Variants in BNIP1 observed in about 807,000 individuals in gnomAD.
BNIP1 encodes BCL2 interacting protein 1, also known as vesicle transport protein SEC20.
A neutral mutation model predicts 28.5 loss-of-function variants in BNIP1; 25 were observed. The ratio of observed to expected loss-of-function variants is 0.88; its 90% confidence interval spans 0.64 to 1.23. BNIP1 has a LOEUF of 1.23. Ranked by LOEUF, BNIP1 falls within the 50% of genes most tolerant of loss-of-function variation. The probability of loss-of-function intolerance (pLI) is 0.00; values close to 1 mark genes in which losing one functional copy is unlikely to be tolerated. For missense variants in BNIP1, 276 were observed against 277.0 expected, an observed-to-expected ratio of 1.00 and a Z score of 0.02; for synonymous variants, 118 against 101.7, an observed-to-expected ratio of 1.16 and a Z score of -0.96.
chr5:173,160,810 A>G (rs1264777173), intron 5 of BNIP1: 3 of 455,818 alleles, frequency 6.6e-6, no homozygotes, highest in African/African-American at 6.0e-5. Context: ...CCCCAACGTT[A>G]TTTTTCCTAT....
At chr5:173,153,267 G>A (rs528494308) in intron 2 of BNIP1, among the ~76,000 whole-genome samples, 16 of 150,186 alleles carry the variant, frequency 1.1e-4, no homozygotes, top group Admixed American at 6.7e-4. Context: ...TCTCTCTGTC[G>A]CCCAGGCTGG....
At chr5:173,157,765 A>G (rs957157566) in intron 3 of BNIP1, among the ~76,000 whole-genome samples, 1 of 151,932 alleles carries the variant, frequency 6.6e-6, no homozygotes, top group South Asian at 2.1e-4. Context: ...TTCCGTTATC[A>G]CCCACAAGTT....
At chr5:173,150,218 A>C (rs1478146907) in intron 2 of BNIP1, among the ~76,000 whole-genome samples, 1 of 151,134 alleles carries the variant, frequency 6.6e-6, no homozygotes, top group Admixed American at 6.6e-5. Context: ...AGATTGTGCC[A>C]CTGCACTCCA....
chr5:173,148,203 ATCC>A (rs1399839413), intron 2 of BNIP1, among the ~76,000 whole-genome samples: 4 of 141,212 alleles, frequency 2.8e-5, no homozygotes, highest in Admixed American at 2.2e-4. Context: ...GGCTCAAGCA[ATCC>A]TCCTGCCTCA....
chr5:173,159,878 T>C, intron 4 of BNIP1, 55 bp from the exon 5 acceptor site: 1 of 1,481,962 alleles, frequency 6.7e-7, no homozygotes. Flanking sequence ...TGGGGCCTTC[T>C]TGCAGGGAGG....
chr5:173,161,629 C>T (rs528849045), intron 5 of BNIP1: 1 of 152,274 alleles, frequency 6.6e-6, no homozygotes, highest in African/African-American at 2.4e-5. Flanking sequence ...TTCCTTATGC[C>T]TCACAAATTC....
intron 5 of BNIP1, among the ~76,000 whole-genome samples, chr5:173,160,324 T>C (rs550639595): frequency 3.3e-5 from 5 of 151,870 alleles, no homozygotes; most frequent in Admixed American, 2.6e-4. Context: ...AACCTCTGCC[T>C]CCTGGTTTCA....
At position 173,160,021 on chromosome 5, in the gene BNIP1, C is replaced by A. The variant is rs545317197; in HGVS notation, c.460C>A (p.Gln154Lys). The change falls in exon 5 of 6, where the codon CAG (glutamine) becomes AAG (lysine). Residue 154 changes from glutamine (Q) to lysine (K), a missense_variant. Physicochemically the swap from Gln to Lys is moderately conservative, Grantham distance 53. Transcript: ENST00000351486. ...CAGCAGGATGATGGCCCAGCAGGTC[C>A]AGCAGAGCGAGGAGGCCATGCAGTC... ...GISRMMAQQV[Q>K]QSEEAMQSLV... 5 of 1,614,068 alleles carry A rather than the reference C, an allele frequency of 3.1e-6. No individual in the cohort carries two copies. Among genetic ancestry groups the A allele is most frequent in the Non-Finnish European group, 4.2e-6 (5 of 1,179,980 alleles).
intron 3 of BNIP1, among the ~76,000 whole-genome samples, chr5:173,154,797 C>T (rs1760133995): frequency 6.6e-6 from 1 of 152,144 alleles, no homozygotes; most frequent in South Asian, 2.1e-4. Flanking sequence ...GCTGGGATTA[C>T]AGGTGTGAGC....
At chr5:173,148,782 T>C (rs1011475672) in intron 2 of BNIP1, among the ~76,000 whole-genome samples, 3 of 152,052 alleles carry the variant, frequency 2.0e-5, no homozygotes, top group Non-Finnish European at 2.9e-5. Flanking sequence ...TATTCAAATT[T>C]GAGATAATTG....
rs1760312045 is a variant in BNIP1, at chr5:173,159,947, A to G, written c.386A>G (p.Glu129Gly). The G allele has an allele frequency of 6.2e-7, 1 of 1,614,068 alleles. No individual in the cohort carries two copies. The highest frequency in any genetic ancestry group is 2.2e-5 in the East Asian group (1 of 44,882). ...DLLRQRKTTK[E>G]SLAQTSSTIT... is the part of the protein sequence containing the mutation. ...TGAACTTTTAGGAAAACCACCAAAG[A>G]GAGCCTGGCCCAGACATCCAGTACC... The change falls in exon 5 of 6, where the codon GAG (glutamate) becomes GGG (glycine). Residue 129 changes from glutamate to glycine, a missense_variant. By Grantham distance (98) the Glu-to-Gly change is moderately conservative. Coordinates refer to ENST00000351486, the MANE Select transcript of BNIP1 (RefSeq NM_001205.3).
At chr5:173,151,528 CT>C (rs1695306001) in intron 2 of BNIP1, 4 of 1,579,712 alleles carry the variant, frequency 2.5e-6, no homozygotes, top group Non-Finnish European at 3.4e-6. Context: ...GTCTCTCATT[CT>C]TTTCTAAATA....
At chr5:173,149,376 A>G (rs534149714) in intron 2 of BNIP1, among the ~76,000 whole-genome samples, 1 of 152,260 alleles carries the variant, frequency 6.6e-6, no homozygotes, top group East Asian at 1.9e-4. Flanking sequence ...CCTGTTTTTA[A>G]AACCATCAGA....
intron 2 of BNIP1, among the ~76,000 whole-genome samples, 153 bp from the exon 3 acceptor site, chr5:173,154,169 A>T (rs1012618671): frequency 1.3e-5 from 2 of 152,096 alleles, no homozygotes; most frequent in Non-Finnish European, 1.5e-5. Context: ...ATTTAAAAGG[A>T]TGTGTGTTAT....
intron 2 of BNIP1, among the ~76,000 whole-genome samples, chr5:173,148,239 C>T (rs1470057812): frequency 1.3e-5 from 2 of 150,410 alleles, no homozygotes; most frequent in Non-Finnish European, 1.5e-5. Context: ...GCTGGGGTTA[C>T]AGGCATGAGC....
At chr5:173,155,864 C>T (rs1162398080) in intron 3 of BNIP1, among the ~76,000 whole-genome samples, 3 of 152,108 alleles carry the variant, frequency 2.0e-5, no homozygotes, top group Admixed American at 6.6e-5. Context: ...CTACAGCACA[C>T]TCCACCGTGC....
chr5:173,144,753 C>T, intron 1 of BNIP1, 124 bp downstream of exon 1: 3 of 982,480 alleles, frequency 3.1e-6, no homozygotes, highest in Non-Finnish European at 4.5e-6. Context: ...GGCTCCGCCC[C>T]ATGGTCGGCT....
intron 1 of BNIP1, among the ~76,000 whole-genome samples, chr5:173,145,555 C>T (rs768360942): frequency 2.0e-5 from 3 of 152,182 alleles, no homozygotes; most frequent in Non-Finnish European, 4.4e-5. Flanking sequence ...GCACCCGCCA[C>T]CACGCCCGGC....
intron 5 of BNIP1, among the ~76,000 whole-genome samples, chr5:173,162,671 C>A (rs940023618): frequency 6.6e-6 from 1 of 152,032 alleles, no homozygotes; most frequent in African/African-American, 2.4e-5. Context: ...TTGACACTTA[C>A]ATCTCCTGAC....
Sources: gnomAD v4.1 joint callset for allele counts (sites outside exome capture counted in the v4.1 genomes callset) on GRCh38, gnomAD v4.1.1 for gene constraint, MANE v1.5 for transcripts, NCBI Gene and HGNC (gene_info 2026-07-23, HGNC 2026-07-21) for gene names.